ADAM22: variants seen among roughly 807,000 people sequenced by gnomAD.
ADAM22 encodes ADAM metallopeptidase domain 22, also known as disintegrin and metalloproteinase domain-containing protein 22.
A neutral mutation model predicts 144.6 loss-of-function variants in ADAM22; 65 were observed. The ratio of observed to expected loss-of-function variants is 0.45; its 90% CI spans 0.37 to 0.55. ADAM22 has a LOEUF of 0.55. Among genes scored for constraint, ADAM22 ranks in the 20% least tolerant of loss-of-function variants. The pLI is 0.00. For synonymous variants in ADAM22, 391 were observed against 412.6 expected (o/e 0.95, Z 0.63); for missense variants, 974 against 1,184.9 (o/e 0.82, Z 2.61).
In ADAM22 at chr7:88,200,146, A is replaced by G. The variant is rs1481454320; in HGVS notation, c.*3655A>G. On this transcript the variant is annotated 3_prime_UTR_variant, in exon 32 of 32. Coordinates refer to ENST00000413139, the MANE Select transcript of ADAM22 (RefSeq NM_001324418.2). ...ACCTTCGGACCAGAAGATATATGGT[A>G]TTTTTATTCACTTTTTTCAGTGTTT... The G allele has an allele frequency of 6.6e-6, 1 of 152,086 alleles. No homozygotes were observed. The allele number at this position is 152,086 out of a possible 1,614,324, so 9.4% of individuals were successfully genotyped here. A position where few individuals can be genotyped will look rare whatever the true frequency, so the allele number is the denominator to read the frequency against.
At chr7:87,978,064 A>G (rs1852327943) in intron 2 of ADAM22, among the ~76,000 whole-genome samples, 1 of 152,226 alleles carries the variant, frequency 6.6e-6, no homozygotes, top group Admixed American at 6.5e-5. Flanking sequence ...AATGAAGTGC[A>G]GTCATCTTAG....
At chr7:88,005,446 T>C (rs891408022) in intron 3 of ADAM22, among the ~76,000 whole-genome samples, 1 of 152,158 alleles carries the variant, frequency 6.6e-6, no homozygotes, top group Non-Finnish European at 1.5e-5. Context: ...TGGGATCTAC[T>C]ACCTTCAAAC....
intron 3 of ADAM22, among the ~76,000 whole-genome samples, chr7:88,065,751 A>G (rs1190859310): frequency 6.6e-6 from 1 of 152,116 alleles, no homozygotes; most frequent in African/African-American, 2.4e-5. Flanking sequence ...GTGTTTCACA[A>G]TGATAGTGTA....
chr7:88,184,398 C>A (rs868401774), intron 29 of ADAM22: 5 of 426,084 alleles, frequency 1.2e-5, no homozygotes, highest in African/African-American at 1.0e-4. Context: ...GAGTCTGGAT[C>A]ACAGGTCAGT....
At chr7:88,034,711 C>T (rs1160324782) in intron 3 of ADAM22, among the ~76,000 whole-genome samples, 1 of 152,168 alleles carries the variant, frequency 6.6e-6, no homozygotes, top group East Asian at 1.9e-4. Flanking sequence ...CAAGTTCTGA[C>T]CACTAGGATG....
At chr7:88,184,976 G>A (rs142787031) in intron 29 of ADAM22, among the ~76,000 whole-genome samples, 1 of 152,328 alleles carries the variant, frequency 6.6e-6, no homozygotes, top group Non-Finnish European at 1.5e-5. Context: ...TCTGCCTGTG[G>A]GTGACTCACT....
intron 2 of ADAM22, among the ~76,000 whole-genome samples, chr7:87,972,287 T>C (rs1459216075): frequency 6.6e-6 from 1 of 151,542 alleles, no homozygotes; most frequent in Non-Finnish European, 1.5e-5. Context: ...TATACACCAA[T>C]AACAGACAAA....
chr7:88,006,175 C>T (rs1028837636), intron 3 of ADAM22, among the ~76,000 whole-genome samples: 2 of 152,030 alleles, frequency 1.3e-5, no homozygotes, highest in Non-Finnish European at 2.9e-5. Flanking sequence ...TTTCTCGACA[C>T]ATACACTCTC....
At chr7:88,042,549 A>G (rs1012328192) in intron 3 of ADAM22, among the ~76,000 whole-genome samples, 3 of 151,954 alleles carry the variant, frequency 2.0e-5, no homozygotes, top group Non-Finnish European at 4.4e-5. Context: ...TTTATACTTG[A>G]TTTGAAGTTT....
Position 88,029,034 on chromosome 7 carries a change from T to A in ADAM22, c.324-46592T>A, listed in dbSNP as rs754209391. Among the ~76,000 whole-genome samples the A allele has an allele frequency of 1.6e-4, 25 of 152,222 alleles. 1 individual carries two copies. Among genetic ancestry groups the A allele is most frequent in the Admixed American group, 3.3e-4 (5 of 15,282 alleles). ...AGTCAGTATATATATTTGTTGGGTATATGAGATGTTTCATTCTCTGTCTTG... is the reference window on the plus strand; with the variant it reads ...AGTCAGTATATATATTTGTTGGGTAAATGAGATGTTTCATTCTCTGTCTTG... On this transcript the variant is annotated intron_variant, in intron 3 of 31. Transcript: ENST00000413139.
At chr7:87,959,168 C>A (rs1847487723) in intron 2 of ADAM22, among the ~76,000 whole-genome samples, 1 of 151,998 alleles carries the variant, frequency 6.6e-6, no homozygotes, top group South Asian at 2.1e-4. Context: ...GAATTAGACT[C>A]CATGGATTTA....
intron 3 of ADAM22, among the ~76,000 whole-genome samples, chr7:88,016,734 C>T (rs1217429202): frequency 1.3e-5 from 2 of 151,988 alleles, no homozygotes; most frequent in African/African-American, 4.8e-5. Flanking sequence ...AAAAGTTGAG[C>T]TCATAAAAGT....
At chr7:88,060,394 T>C (rs1809453063) in intron 3 of ADAM22, among the ~76,000 whole-genome samples, 1 of 152,232 alleles carries the variant, frequency 6.6e-6, no homozygotes, top group Admixed American at 6.5e-5. Flanking sequence ...CTTTATCAGC[T>C]AAGTTTATAT....
At chr7:88,061,317 A>G (rs543425460) in intron 3 of ADAM22, among the ~76,000 whole-genome samples, 1 of 152,220 alleles carries the variant, frequency 6.6e-6, no homozygotes, top group South Asian at 2.1e-4. Context: ...ACTTCCTCTT[A>G]TGAATATGGA....
chr7:88,107,886 T>C (rs1010549653), intron 4 of ADAM22, among the ~76,000 whole-genome samples: 3 of 152,146 alleles, frequency 2.0e-5, no homozygotes, highest in Admixed American at 6.6e-5. Flanking sequence ...ACACTGTGCC[T>C]GACTCCCCAT....
chr7:88,006,323 C>A (rs1247174304), intron 3 of ADAM22, among the ~76,000 whole-genome samples: 1 of 151,980 alleles, frequency 6.6e-6, no homozygotes, highest in African/African-American at 2.4e-5. Flanking sequence ...ACCAGAGGTG[C>A]AAGGAGGAAC....
chr7:88,047,753 T>C (rs879832511), intron 3 of ADAM22, among the ~76,000 whole-genome samples: 16 of 152,182 alleles, frequency 1.1e-4, no homozygotes, highest in Non-Finnish European at 1.8e-4. Context: ...TCCGTTGTTA[T>C]TTATTTTAGC....
chr7:88,133,046 A>T (rs965579786), intron 12 of ADAM22, 95 bp downstream of exon 12: 1 of 1,074,886 alleles, frequency 9.3e-7, no homozygotes, highest in Non-Finnish European at 1.4e-6. Context: ...CACATACTCC[A>T]GATGTTAGAT....
intron 3 of ADAM22, among the ~76,000 whole-genome samples, chr7:88,011,353 A>G (rs1204207044): frequency 6.6e-6 from 1 of 152,106 alleles, no homozygotes; most frequent in African/African-American, 2.4e-5. Context: ...CATCCTGGCT[A>G]ATGGGGTGAA....
Sources: allele counts gnomAD v4.1 joint callset (sites outside exome capture counted in the v4.1 genomes callset), GRCh38; gene constraint gnomAD v4.1.1; transcripts MANE v1.5; gene names NCBI Gene and HGNC (gene_info 2026-07-23, HGNC 2026-07-21).